The following PABPN1 variants were observed in gnomAD, a reference collection of about 807,000 sequenced individuals.
PABPN1 encodes the protein poly(A) binding protein nuclear 1.
Under a neutral mutation model 33.4 loss-of-function variants are expected in PABPN1, and 5 were observed. That is an observed-to-expected ratio of 0.15 (90% CI 0.08 to 0.32). The LOEUF is 0.32. PABPN1 is among the 10% of genes least tolerant of loss of function. PABPN1 has a pLI of 1.00. For missense variants in PABPN1, 312 were observed against 425.8 expected (o/e 0.73, Z 2.35); for synonymous variants, 176 against 170.6 (o/e 1.03, Z -0.25).
rs1006875924 is a variant in PABPN1 at position 23,326,087 on chromosome 14, T to C, written c.*801T>C. On this transcript the variant is annotated 3_prime_UTR_variant, in exon 7 of 7. Coordinates refer to ENST00000216727, the MANE Select transcript of PABPN1 (RefSeq NM_004643.4). ...GGAGGTGGGAGGTGGATTTTGTTTA[T>C]TTTTTTAGCTCATTTCCAGGGGTGG... 1 of 152,496 alleles carries C rather than the reference T, an allele frequency of 6.6e-6. No homozygotes were observed. Among genetic ancestry groups the C allele is most frequent in the Non-Finnish European group, 1.5e-5 (1 of 68,012 alleles). The allele number at this position is 152,496 out of a possible 1,614,324, so 9.4% of individuals were successfully genotyped here. A position where few individuals can be genotyped will look rare whatever the true frequency, so the allele number is the denominator to read the frequency against.
chr14:23,324,552 CT>C, intron 6 of PABPN1: 1 of 592,712 alleles, frequency 1.7e-6, no homozygotes, highest in South Asian at 2.1e-5. Flanking sequence ...CCTTTTTTTT[CT>C]TGGGAGTTGG....
At chr14:23,323,227 G>T in intron 3 of PABPN1, 150 bp from the exon 4 acceptor site, 10 of 1,295,590 alleles carry the variant, frequency 7.7e-6, no homozygotes, top group Non-Finnish European at 1.1e-5. Flanking sequence ...ATCAGCAAAG[G>T]CTCTGGGTTT....
chr14:23,325,004 C>T, intron 6 of PABPN1: 1 of 484,504 alleles, frequency 2.1e-6, no homozygotes, highest in Non-Finnish European at 3.6e-6. Context: ...TTGCCCCTGT[C>T]TCTCACTCAG....
At chr14:23,325,129 TG>T in intron 6 of PABPN1, 117 bp from the exon 7 acceptor site, 1 of 1,449,236 alleles carries the variant, frequency 6.9e-7, no homozygotes, top group Non-Finnish European at 9.6e-7. Context: ...TTAGGACACT[TG>T]AACACTTCTT....
rs114435296 is a variant in PABPN1, at chr14:23,322,576, C to A, written c.466+281C>A. ...TCTTTCTTTGTAGAGGTTGCGTGCT[C>A]GCATTTGACCTTCAAATCTAATAGT... On this transcript the variant is annotated intron_variant, in intron 2 of 6. Coordinates refer to ENST00000216727, the MANE Select transcript of PABPN1 (RefSeq NM_004643.4). 6.1e-6 allele frequency: 3 copies of A among 495,004 alleles called. No individual in the cohort carries two copies. In the South Asian group the frequency reaches 6.4e-5, roughly 11 times the overall value. The allele number at this position is 495,004 out of a possible 1,614,324, so 30.7% of individuals were successfully genotyped here. A position where few individuals can be genotyped will look rare whatever the true frequency, so the allele number is the denominator to read the frequency against.
At chr14:23,321,871 CT>C in intron 1 of PABPN1, 51 bp downstream of exon 1, 1 of 1,162,342 alleles carries the variant, frequency 8.6e-7, no homozygotes, top group South Asian at 1.6e-5. Flanking sequence ...GGCCGGGTCA[CT>C]GGAGGCCCAG....
At chr14:23,324,659 G>T in intron 6 of PABPN1, 1 of 412,840 alleles carries the variant, frequency 2.4e-6, no homozygotes, top group Admixed American at 3.8e-5. Context: ...TTCGGAGTTA[G>T]GGAGGGATTG....
intron 4 of PABPN1, among the ~76,000 whole-genome samples, 161 bp downstream of exon 4, chr14:23,323,644 G>A (rs1390633016): frequency 1.3e-5 from 2 of 152,188 alleles, no homozygotes; most frequent in African/African-American, 4.8e-5. Flanking sequence ...GCACCTAAAT[G>A]TCTTCAGAGG....
At chr14:23,321,984 G>T (rs558678122) in intron 1 of PABPN1, 164 bp downstream of exon 1, 328 of 780,112 alleles carry the variant, frequency 4.2e-4, no homozygotes, top group Non-Finnish European at 6.3e-4. Flanking sequence ...ACTACAAGGG[G>T]CCCGACTGGC....
At chr14:23,323,586 A>G in intron 4 of PABPN1, 103 bp downstream of exon 4, 1 of 1,094,644 alleles carries the variant, frequency 9.1e-7, no homozygotes, top group Non-Finnish European at 1.4e-6. Context: ...AACACAGGTG[A>G]TCTGTGTCAT....
intron 5 of PABPN1, 24 bp downstream of exon 5, chr14:23,324,076 C>G (rs1888538929): frequency 1.2e-6 from 2 of 1,614,038 alleles, no homozygotes; most frequent in African/African-American, 2.7e-5. Context: ...CATTGCTGTT[C>G]TAGTTGTGTA....
intron 2 of PABPN1, 72 bp from the exon 3 acceptor site, chr14:23,322,927 T>C: frequency 6.2e-7 from 1 of 1,601,852 alleles, no homozygotes. Context: ...GTGCTGGTGG[T>C]GGAAGTGCAA....
chr14:23,323,841 A>T, intron 4 of PABPN1, 124 bp from the exon 5 acceptor site: 1 of 996,340 alleles, frequency 1.0e-6, no homozygotes, highest in Non-Finnish European at 1.5e-6. Flanking sequence ...TTTTCCATTT[A>T]GAAGAATTTT....
rs1238376962 is a variant in PABPN1, at chr14:23,325,946, T to C, written c.*660T>C. Reference sequence around the variant, plus strand: ...CCCCCTGGGGAAATGCACTACCTTGTTTTGGGGGGTTTAGGGGTGTTTTTG... The same window carrying C: ...CCCCCTGGGGAAATGCACTACCTTGCTTTGGGGGGTTTAGGGGTGTTTTTG... On this transcript the variant is annotated 3_prime_UTR_variant, in exon 7 of 7. Coordinates refer to ENST00000216727, the MANE Select transcript of PABPN1 (RefSeq NM_004643.4). 6.6e-6 allele frequency: 1 copy of C among 152,550 alleles called. No individual in the cohort carries two copies. The highest frequency in any genetic ancestry group is 1.5e-5 in the Non-Finnish European group (1 of 68,092). 9.4% of individuals were successfully genotyped at this position (152,550 alleles called of 1,614,324 possible).
At chr14:23,325,018 C>T (rs767529418) in intron 6 of PABPN1, 41 of 474,864 alleles carry the variant, frequency 8.6e-5, no homozygotes, top group African/African-American at 4.4e-4. Context: ...CACTCAGATG[C>T]GCTTCTTTTT....
At chr14:23,321,956 G>T (rs1309127365) in intron 1 of PABPN1, 136 bp downstream of exon 1, 3 of 782,942 alleles carry the variant, frequency 3.8e-6, no homozygotes, top group Non-Finnish European at 6.0e-6. Context: ...GGGTCGGGCC[G>T]GGGATGGGTC....
At position 23,323,082 on chromosome 14, in the gene PABPN1, C is replaced by G; in HGVS notation, c.534+16C>G. 6.2e-7 allele frequency: 1 copy of G among 1,613,960 alleles called. No individual in the cohort carries two copies. Among genetic ancestry groups the G allele is most frequent in the Non-Finnish European group, 8.5e-7 (1 of 1,179,954 alleles). On this transcript the variant is annotated intron_variant, in intron 3 of 6. Coordinates refer to ENST00000216727, the MANE Select transcript of PABPN1 (RefSeq NM_004643.4). ...TGTTGGCAATGTACGTACTGGGGCTCTGACTGGGGTTGGGGGCAAGTTCTT... is the reference window on the plus strand; with the variant it reads ...TGTTGGCAATGTACGTACTGGGGCTGTGACTGGGGTTGGGGGCAAGTTCTT...
chr14:23,324,510 C>T, intron 6 of PABPN1: 2 of 625,958 alleles, frequency 3.2e-6, no homozygotes, highest in Admixed American at 2.9e-5. Context: ...GGCTGCATCC[C>T]TCCCTTGGTT....
At chr14:23,322,896 C>T in intron 2 of PABPN1, 103 bp from the exon 3 acceptor site, 2 of 1,535,926 alleles carry the variant, frequency 1.3e-6, no homozygotes, top group Non-Finnish European at 1.8e-6. Context: ...AAATCTTTGC[C>T]TTCACTGAGC....
Sources: allele counts gnomAD v4.1 joint callset (sites outside exome capture counted in the v4.1 genomes callset), GRCh38; gene constraint gnomAD v4.1.1; transcripts MANE v1.5; gene names NCBI Gene and HGNC (gene_info 2026-07-23, HGNC 2026-07-21).